The following EPHX3 variants were observed in gnomAD, a reference collection of about 807,000 sequenced individuals.
EPHX3 encodes abhydrolase domain containing 9.
In EPHX3, 39 loss-of-function variants were observed where a neutral mutation model predicts 40.2. The ratio of observed to expected loss-of-function variants is 0.97; its 90% confidence interval spans 0.75 to 1.27. The LOEUF (loss-of-function observed/expected upper bound fraction) is 1.27, where lower values mean the gene tolerates loss of function less well. Among genes scored for constraint, EPHX3 ranks in the 50% most tolerant of loss-of-function variants. The pLI is 0.00. For synonymous variants in EPHX3, 213 were observed against 209.7 expected (o/e 1.02, Z -0.14); for missense variants, 442 against 474.0 (o/e 0.93, Z 0.63).
chr19:15,231,748 G>C lies in EPHX3; in HGVS notation c.329+28C>G, dbSNP rs538326036. Reference sequence around the variant, plus strand: ...GCTCCACCTGCCCCCGAGTCCCGTGGGCCTCAGGCCCCTGGCCCCAGACGT... The same window carrying C: ...GCTCCACCTGCCCCCGAGTCCCGTGCGCCTCAGGCCCCTGGCCCCAGACGT... On this transcript the variant is annotated intron_variant, in intron 2 of 6. Coordinates refer to ENST00000221730, the MANE Select transcript of EPHX3 (RefSeq NM_024794.3). 2.5e-6 allele frequency: 4 copies of C among 1,611,996 alleles called. No individual in the cohort carries two copies. The South Asian group carries it at 4.4e-5, about 18-fold the overall frequency.
In EPHX3 at chr19:15,227,909, T is replaced by G; in HGVS notation, c.721-2A>C. The G allele has an allele frequency of 1.9e-6, 3 of 1,613,980 alleles. No individual in the cohort carries two copies. Among genetic ancestry groups the G allele is most frequent in the Non-Finnish European group, 2.5e-6 (3 of 1,180,010 alleles). ...GTGGGTGAGGGTGGTCTTCAGAATC[T>G]AGGTACACAGCAGGACTCTGGCTTC... On this transcript the variant is annotated splice_acceptor_variant, in intron 5 of 6. Coordinates refer to ENST00000221730, the MANE Select transcript of EPHX3 (RefSeq NM_024794.3). LOFTEE classifies it high-confidence loss of function.
chr19:15,235,458 C>T (rs1322025315), upstream of EPHX3: 1 of 151,876 alleles, frequency 6.6e-6, no homozygotes, highest in East Asian at 1.9e-4. Context: ...TGACCCCCCG[C>T]CCTCATCTCC....
At chr19:15,234,086 T>A (rs1457408156), upstream of EPHX3, among the ~76,000 whole-genome samples, 2 of 151,118 alleles carry the variant, frequency 1.3e-5, no homozygotes. Context: ...GCAGCCAGCT[T>A]CTTCCTCCTA....
upstream of EPHX3, chr19:15,236,902 AAGTCAAACC>A (rs2047196130): frequency 4.9e-6 from 1 of 204,452 alleles, no homozygotes; most frequent in South Asian, 1.9e-4. Flanking sequence ...CACCGTATGA[AAGTCAAACC>A]AGTCAGTGAC....
At position 15,227,548 on chromosome 19, in the gene EPHX3, C is replaced by T. The variant is rs137968198; in HGVS notation, c.972G>A (p.Pro324=). The T allele has an allele frequency of 9.2e-5, 149 of 1,614,014 alleles. No individual in the cohort carries two copies. The highest frequency in any genetic ancestry group is 4.9e-4 in the Middle Eastern group (3 of 6,062). ...GCAGGATGTGGGCCTCCAAGCGGCC[C>T]GGCACAAAGCGGCTGCCGATGGCTT... ...LVEAIGSRFV[P]GRLEAHILPG... The change falls in exon 7 of 7, where the codon CCG becomes CCA. Residue 324 remains proline (P), a synonymous_variant. Coordinates refer to ENST00000221730, the MANE Select transcript of EPHX3 (RefSeq NM_024794.3).
At position 15,227,491 on chromosome 19, in the gene EPHX3, G is replaced by A. The variant is rs1322695514; in HGVS notation, c.1029C>T (p.Asn343=). 6.2e-7 allele frequency: 1 copy of A among 1,614,036 alleles called. No homozygotes were observed. The highest frequency in any genetic ancestry group is 8.5e-7 in the Non-Finnish European group (1 of 1,180,036). Residue 343 remains asparagine, a synonymous_variant, in exon 7 of 7, where the codon AAC becomes AAT. Coordinates refer to ENST00000221730, the MANE Select transcript of EPHX3 (RefSeq NM_024794.3). Reference sequence around the variant, plus strand: ...ACATGTACTGGTGCATCTCCTGGGGGTTGCTCTGTGGGATCCAATGCCCTA... The same window carrying A: ...ACATGTACTGGTGCATCTCCTGGGGATTGCTCTGTGGGATCCAATGCCCTA... ...PGIGHWIPQS[N]PQEMHQYMWA...
intron 4 of EPHX3, 38 bp downstream of exon 4, chr19:15,230,924 C>A (rs931595139): frequency 6.2e-7 from 1 of 1,608,598 alleles, no homozygotes; most frequent in Admixed American, 1.7e-5. Flanking sequence ...CCCCCTTGCA[C>A]ATAAGTACAT....
chr19:15,234,322 C>T (rs2047176074), upstream of EPHX3, among the ~76,000 whole-genome samples: 1 of 152,078 alleles, frequency 6.6e-6, no homozygotes, highest in African/African-American at 2.4e-5. Context: ...CCTCCCCTTC[C>T]TCCCGGAAGC....
upstream of EPHX3, among the ~76,000 whole-genome samples, chr19:15,234,044 A>G (rs1455292222): frequency 5.3e-5 from 8 of 149,548 alleles, no homozygotes; most frequent in South Asian, 4.3e-4. Flanking sequence ...AGGGCGACAG[A>G]GCGAGACTCC....
rs545458851 is a variant in EPHX3 at position 15,232,230 on chromosome 19, C to G, written c.-19G>C. 2 of 1,472,958 alleles carry G rather than the reference C, an allele frequency of 1.4e-6. No homozygotes were observed. The highest frequency in any genetic ancestry group is 2.6e-5 in the Admixed American group (1 of 39,088). 91.2% of individuals were successfully genotyped at this position (1,472,958 alleles called of 1,614,324 possible). A position where few individuals can be genotyped will look rare whatever the true frequency, so the allele number is the denominator to read the frequency against. On this transcript the variant is annotated 5_prime_UTR_variant, in exon 1 of 7. Transcript: ENST00000221730. ...CCGGCATGTCGCCGCGCTCCGGGACCACGGCGGCGCTGCCGGCCAGGGGCA... is the reference window on the plus strand; with the variant it reads ...CCGGCATGTCGCCGCGCTCCGGGACGACGGCGGCGCTGCCGGCCAGGGGCA...
At chr19:15,235,746 C>G (rs983465973), upstream of EPHX3, 1 of 152,090 alleles carries the variant, frequency 6.6e-6, no homozygotes, top group African/African-American at 2.4e-5. Context: ...ACTAAGATTT[C>G]TAGTACTGTG....
At chr19:15,235,311 T>C (rs960605745), upstream of EPHX3, among the ~76,000 whole-genome samples, 8 of 151,984 alleles carry the variant, frequency 5.3e-5, no homozygotes, top group African/African-American at 1.9e-4. Context: ...CTGGCAGCTT[T>C]TTCTTTTACA....
chr19:15,235,643 A>G (rs377600677), upstream of EPHX3: 33 of 152,130 alleles, frequency 2.2e-4, no homozygotes, highest in African/African-American at 7.5e-4. Flanking sequence ...AGTGTTTAAT[A>G]CAAGTCTCAG....
At chr19:15,229,895 A>C in intron 4 of EPHX3, among the ~76,000 whole-genome samples, 1 of 138,294 alleles carries the variant, frequency 7.2e-6, no homozygotes, top group Non-Finnish European at 1.5e-5. Flanking sequence ...CAAAAAAAAA[A>C]AAAAAAAAAA....
At chr19:15,236,767 G>T (rs531218690), upstream of EPHX3, 1 of 176,584 alleles carries the variant, frequency 5.7e-6, no homozygotes, top group Non-Finnish European at 1.2e-5. Context: ...GTGGTCTGGG[G>T]TCCAGGGGGT....
upstream of EPHX3, among the ~76,000 whole-genome samples, chr19:15,235,005 T>C (rs765424221): frequency 2.0e-5 from 3 of 152,098 alleles, no homozygotes; most frequent in Non-Finnish European, 2.9e-5. Context: ...GGTTTTTTTG[T>C]TTTTGTTTTT....
chr19:15,228,165 C>A (rs1390257378), intron 4 of EPHX3, 65 bp from the exon 5 acceptor site: 2 of 1,261,904 alleles, frequency 1.6e-6, no homozygotes, highest in Non-Finnish European at 2.2e-6. Context: ...TACACCTGCA[C>A]CCCTACACAT....
In EPHX3 at chr19:15,227,499, G is replaced by C. The variant is rs1488447549; in HGVS notation, c.1021C>G (p.Gln341Glu). The stretch of plus-strand genomic sequence containing the variant: ...TGGTGCATCTCCTGGGGGTTGCTCT[G>C]TGGGATCCAATGCCCTATGCCTGGC... ...ILPGIGHWIP[Q>E]SNPQEMHQYM... The change falls in exon 7 of 7, where the codon CAG becomes GAG. Residue 341 changes from glutamine (Q) to glutamate (E), a missense_variant. Coordinates refer to ENST00000221730, the MANE Select transcript of EPHX3 (RefSeq NM_024794.3). 8.1e-6 allele frequency: 13 copies of C among 1,614,162 alleles called. No individual in the cohort carries two copies. Among genetic ancestry groups the C allele is most frequent in the Non-Finnish European group, 1.1e-5 (13 of 1,180,034 alleles).
intron 4 of EPHX3, among the ~76,000 whole-genome samples, chr19:15,228,984 G>A (rs1220747800): frequency 2.0e-5 from 3 of 151,478 alleles, no homozygotes; most frequent in African/African-American, 7.3e-5. Flanking sequence ...GAACAAGACT[G>A]TCTCAAAGGA....
Sources: gnomAD v4.1 joint callset for allele counts (sites outside exome capture counted in the v4.1 genomes callset) on GRCh38, gnomAD v4.1.1 for gene constraint, MANE v1.5 for transcripts, NCBI Gene and HGNC (gene_info 2026-07-23, HGNC 2026-07-21) for gene names.